The following WDR75 variants were observed in gnomAD, a reference collection of about 807,000 sequenced individuals.
WDR75 encodes the protein WD repeat-containing protein 75.
In WDR75, 52 loss-of-function variants were observed where a neutral mutation model predicts 106.1. The ratio of observed to expected loss-of-function variants is 0.49; its 90% CI spans 0.39 to 0.62. The LOEUF is 0.62. Among genes scored for constraint, WDR75 ranks in the 20% least tolerant of loss-of-function variants. WDR75 has a pLI of 0.00. For synonymous variants in WDR75, 333 were observed against 335.5 expected (o/e 0.99, Z 0.08); for missense variants, 905 against 970.3 (o/e 0.93, Z 0.89).
At chr2:189,471,051 T>C (rs1274517000) in intron 18 of WDR75, among the ~76,000 whole-genome samples, 173 bp downstream of exon 18, 1 of 152,150 alleles carries the variant, frequency 6.6e-6, no homozygotes, top group Non-Finnish European at 1.5e-5. Flanking sequence ...TTTAAAATTA[T>C]TTTAATTTAT....
At chr2:189,456,937 G>A (rs7574403) in intron 5 of WDR75, among the ~76,000 whole-genome samples, 122,106 of 152,042 alleles carry the variant, frequency 0.8, 50,497 homozygotes, top group Non-Finnish European at 0.91. Context: ...TTGTGGGGGA[G>A]TGTTTCTTTT....
At chr2:189,449,857 C>T (rs112548207) in intron 2 of WDR75, 40,274 of 982,110 alleles carry the variant, frequency 0.041, 1,180 homozygotes, top group African/African-American at 0.14. Context: ...GAGTCCATGT[C>T]TCTATTTGCA....
chr2:189,458,901 T>C, intron 7 of WDR75, 29 bp downstream of exon 7: 1 of 1,588,792 alleles, frequency 6.3e-7, no homozygotes, highest in Non-Finnish European at 8.5e-7. Context: ...AGCATGGCGA[T>C]CATTTATGTA....
intron 18 of WDR75, among the ~76,000 whole-genome samples, chr2:189,473,807 A>G (rs755611508): frequency 2.0e-5 from 3 of 152,190 alleles, no homozygotes; most frequent in Non-Finnish European, 2.9e-5. Context: ...TCTCAGGTCT[A>G]CTAAGTTCAA....
intron 4 of WDR75, among the ~76,000 whole-genome samples, chr2:189,452,322 G>A (rs1686640107): frequency 6.6e-6 from 1 of 152,164 alleles, no homozygotes; most frequent in African/African-American, 2.4e-5. Flanking sequence ...CACTATGGGA[G>A]GCCGAGGTGG....
At chr2:189,453,173 A>G (rs1050815679) in intron 4 of WDR75, among the ~76,000 whole-genome samples, 9 of 152,286 alleles carry the variant, frequency 5.9e-5, no homozygotes, top group African/African-American at 2.2e-4. Flanking sequence ...TGCTTCAAAC[A>G]TAGCACTCTT....
chr2:189,451,003 A>AT lies in WDR75; in HGVS notation c.282+36dup, dbSNP rs774743436. ...TTGATCTTTACTTTTCGTTATGTGA[A>AT]TAAAAAAAGGCAATGTAATTTAATG... On this transcript the variant is annotated intron_variant, in intron 3 of 20. Transcript: ENST00000314761. The AT allele has an allele frequency of 4.1e-5, 64 of 1,578,386 alleles. No homozygotes were observed. In the African/African-American group the frequency reaches 7.4e-4, roughly 18 times the overall value.
At position 189,455,320 on chromosome 2, in the gene WDR75, A is replaced by T. The variant is rs1263374614; in HGVS notation, c.374A>T (p.Asp125Val). Residue 125 changes from aspartate (D) to valine (V), a missense_variant and splice_region_variant, in exon 5 of 21, where the codon GAT becomes GTT. Transcript: ENST00000314761. ...TATTAATATAGCTTTCTTTGGCTAGATATATTTCAGCTGGTTTCAGTGAAA... is the reference window on the plus strand; with the variant it reads ...TATTAATATAGCTTTCTTTGGCTAGTTATATTTCAGCTGGTTTCAGTGAAA... ...VFVIVNKEKP[D>V]IFQLVSVKLP... 1 of 1,613,742 alleles carries T rather than the reference A, an allele frequency of 6.2e-7. No individual in the cohort carries two copies. The highest frequency in any genetic ancestry group is 1.7e-5 in the Admixed American group (1 of 59,886).
In WDR75 at chr2:189,463,550, G is replaced by A. The variant is rs931459874; in HGVS notation, c.938-144G>A. On this transcript the variant is annotated intron_variant, in intron 9 of 20. Transcript: ENST00000314761. ...TATACTAACACTAATGATAGCTGAT[G>A]AGCTAAAAATAATAATAATAATAAT... 2.4e-4 allele frequency: 165 copies of A among 690,050 alleles called. 1 individual carries two copies. Among genetic ancestry groups the A allele is most frequent in the Admixed American group, 3.3e-4 (11 of 33,690 alleles). The allele number at this position is 690,050 out of a possible 1,614,324, so 42.7% of individuals were successfully genotyped here.
At chr2:189,475,070 T>C (rs1687186861) in intron 20 of WDR75, 143 bp from the exon 21 acceptor site, 2 of 728,574 alleles carry the variant, frequency 2.7e-6, no homozygotes, top group Admixed American at 3.3e-5. Context: ...CTTTTATAAA[T>C]AACCCATAAT....
chr2:189,460,392 T>A lies in WDR75; in HGVS notation c.778+968T>A, dbSNP rs116797511. Among the ~76,000 whole-genome samples, 1,322 of 152,260 alleles carry A rather than the reference T, an allele frequency of 8.7e-3. 25 individuals carry two copies. The highest frequency in any genetic ancestry group is 0.03 in the African/African-American group (1,253 of 41,544). On this transcript the variant is annotated intron_variant, in intron 8 of 20. Coordinates refer to ENST00000314761, the MANE Select transcript of WDR75 (RefSeq NM_032168.3). ...GGTTTGGGGAGTAATGACTAGTGTA[T>A]GGAGACAATGTAGGCTGCTCATTTG...
rs1490056118 is a variant in WDR75, at chr2:189,448,399, G to C, written c.107G>C (p.Gly36Ala). The change falls in exon 2 of 21, where the codon GGA becomes GCA. Residue 36 changes from glycine to alanine, a missense_variant. Coordinates refer to ENST00000314761, the MANE Select transcript of WDR75 (RefSeq NM_032168.3). Reference sequence around the variant, plus strand: ...TCCAGGTATATCTTCTGTGTCTCTGGAGACTTTGTTAAAGTTTACAGCACA... The same window carrying C: ...TCCAGGTATATCTTCTGTGTCTCTGCAGACTTTGTTAAAGTTTACAGCACA... The part of the protein sequence containing the change: ...ADSKYIFCVS[G>A]DFVKVYSTVT... 1 of 1,613,330 alleles carries C rather than the reference G, an allele frequency of 6.2e-7. No individual in the cohort carries two copies. Among genetic ancestry groups the C allele is most frequent in the Non-Finnish European group, 8.5e-7 (1 of 1,179,636 alleles).
chr2:189,468,365 G>A (rs575209370), intron 14 of WDR75, 110 bp from the exon 15 acceptor site: 2 of 880,418 alleles, frequency 2.3e-6, no homozygotes, highest in East Asian at 2.6e-5. Context: ...AAATATATAT[G>A]TCTATATAAA....
At chr2:189,460,673 T>G (rs776534709) in intron 8 of WDR75, among the ~76,000 whole-genome samples, 12 of 150,326 alleles carry the variant, frequency 8.0e-5, no homozygotes, top group Non-Finnish European at 1.8e-4. Flanking sequence ...CCCAGCTAAT[T>G]ATTTGTATTT....
intron 2 of WDR75, chr2:189,449,274 G>A (rs1293115480): frequency 5.4e-6 from 7 of 1,303,428 alleles, no homozygotes; most frequent in Non-Finnish European, 5.1e-6. Context: ...TATTGATTAA[G>A]GATGGATTTG....
At chr2:189,474,429 A>G in intron 19 of WDR75, 97 bp downstream of exon 19, 1 of 1,379,638 alleles carries the variant, frequency 7.2e-7, no homozygotes, top group South Asian at 1.4e-5. Flanking sequence ...TGTATGCTGT[A>G]CAACTTTAAT....
chr2:189,463,608 TG>T (rs1686943220), intron 9 of WDR75, 85 bp from the exon 10 acceptor site: 1 of 1,165,692 alleles, frequency 8.6e-7, no homozygotes, highest in African/African-American at 1.5e-5. Flanking sequence ...TGTGTTAGGC[TG>T]CATAAAAAGC....
In WDR75 at chr2:189,455,399, G is replaced by A. The variant is rs754303376; in HGVS notation, c.453G>A (p.Leu151=). Reference sequence around the variant, plus strand: ...AAGCCAAGGAGCTGTCCTTTGTTTTGGATTACATAAACCAGTCACCCAAGT... The same window carrying A: ...AAGCCAAGGAGCTGTCCTTTGTTTTAGATTACATAAACCAGTCACCCAAGT... The part of the protein sequence containing the change: ...EVEAKELSFV[L]DYINQSPKCI... The change falls in exon 5 of 21, where the codon TTG becomes TTA. Residue 151 remains leucine, a synonymous_variant. Coordinates refer to ENST00000314761, the MANE Select transcript of WDR75 (RefSeq NM_032168.3). 6 of 1,613,982 alleles carry A rather than the reference G, an allele frequency of 3.7e-6. No homozygotes were observed. In the African/African-American group the frequency reaches 6.7e-5, roughly 18 times the overall value.
chr2:189,442,237 G>C (rs1399298564), intron 1 of WDR75, among the ~76,000 whole-genome samples: 1 of 152,008 alleles, frequency 6.6e-6, no homozygotes, highest in African/African-American at 2.4e-5. Flanking sequence ...TTATTGGGAG[G>C]ATTAAATGCC....
Sources: gnomAD v4.1 joint callset for allele counts (sites outside exome capture counted in the v4.1 genomes callset) on GRCh38, gnomAD v4.1.1 for gene constraint, MANE v1.5 for transcripts, NCBI Gene and HGNC (gene_info 2026-07-23, HGNC 2026-07-21) for gene names.